TP63: variants seen among roughly 807,000 people sequenced by gnomAD.
TP63 encodes the protein tumor protein 63.
In TP63, 17 loss-of-function variants were observed where a neutral mutation model predicts 82.8. The observed-to-expected ratio is 0.21, with a 90% CI of 0.14 to 0.31. The LOEUF (loss-of-function observed/expected upper bound fraction) is 0.31. TP63 is among the 10% of genes least tolerant of loss of function. The pLI is 1.00. For synonymous variants in TP63, 330 were observed against 321.7 expected (o/e 1.03, Z -0.28); for missense variants, 648 against 895.3 (o/e 0.72, Z 3.52).
intron 1 of TP63, among the ~76,000 whole-genome samples, chr3:189,699,770 T>C (rs1255912300): frequency 6.6e-6 from 1 of 152,222 alleles, no homozygotes; most frequent in African/African-American, 2.4e-5. Flanking sequence ...TCTGTTATTA[T>C]AGATAATTTA....
chr3:189,789,559 G>A (rs1214973359), intron 3 of TP63: 1 of 777,732 alleles, frequency 1.3e-6, no homozygotes, highest in East Asian at 3.7e-5. Context: ...TTGGAGTGGA[G>A]GAGTCCAGGT....
intron 11 of TP63, among the ~76,000 whole-genome samples, chr3:189,886,946 C>T (rs1044902952): frequency 2.0e-5 from 3 of 152,188 alleles, no homozygotes; most frequent in East Asian, 1.9e-4. Context: ...TGGTGGCTCA[C>T]GACTGCAATC....
At chr3:189,822,133 C>G (rs943588712) in intron 4 of TP63, among the ~76,000 whole-genome samples, 1 of 152,014 alleles carries the variant, frequency 6.6e-6, no homozygotes, top group East Asian at 1.9e-4. Flanking sequence ...CTTTAGGTAA[C>G]GATGTTATTG....
chr3:189,632,432 C>G (rs993212221), intron 1 of TP63, among the ~76,000 whole-genome samples: 4 of 152,112 alleles, frequency 2.6e-5, no homozygotes, highest in Admixed American at 1.3e-4. Context: ...TCTGCTCTCT[C>G]TGGGCAGGAC....
chr3:189,769,377 A>G (rs1723173568), intron 3 of TP63, among the ~76,000 whole-genome samples: 1 of 152,146 alleles, frequency 6.6e-6, no homozygotes, highest in African/African-American at 2.4e-5. Flanking sequence ...CTTTGAGAAT[A>G]TTGGACAGTA....
chr3:189,778,737 A>G (rs906727080), intron 3 of TP63, among the ~76,000 whole-genome samples: 1 of 152,152 alleles, frequency 6.6e-6, no homozygotes, highest in Admixed American at 6.5e-5. Flanking sequence ...TTTGTCCACA[A>G]TCTTATAGAT....
At chr3:189,719,419 G>T (rs563611983) in intron 1 of TP63, among the ~76,000 whole-genome samples, 1 of 151,992 alleles carries the variant, frequency 6.6e-6, no homozygotes, top group Non-Finnish European at 1.5e-5. Flanking sequence ...TTTTGCATCC[G>T]ATGTATCAGA....
intron 1 of TP63, among the ~76,000 whole-genome samples, chr3:189,656,072 T>C (rs112964808): frequency 1.3e-4 from 20 of 152,162 alleles, no homozygotes; most frequent in African/African-American, 4.6e-4. Context: ...TGTATAATAA[T>C]TGAGAATAAA....
chr3:189,682,345 A>G (rs1426549902), intron 1 of TP63, among the ~76,000 whole-genome samples: 1 of 140,890 alleles, frequency 7.1e-6, no homozygotes, highest in Non-Finnish European at 1.5e-5. Flanking sequence ...TGTTGAATAA[A>G]TCAGCACCTT....
intron 10 of TP63, chr3:189,881,073 A>G (rs748517968): frequency 1.0e-6 from 1 of 985,244 alleles, no homozygotes; most frequent in Non-Finnish European, 1.2e-6. Context: ...AAGCCCTCTC[A>G]CAAAATCTGT....
At chr3:189,824,532 C>T (rs1259778653) in intron 4 of TP63, among the ~76,000 whole-genome samples, 1 of 152,152 alleles carries the variant, frequency 6.6e-6, no homozygotes, top group Non-Finnish European at 1.5e-5. Context: ...CGTGCCTAGC[C>T]TGGACTTTTC....
intron 1 of TP63, among the ~76,000 whole-genome samples, chr3:189,725,767 T>G (rs1719730820): frequency 6.6e-6 from 1 of 152,138 alleles, no homozygotes; most frequent in South Asian, 2.1e-4. Context: ...TGTAAAATTA[T>G]TTTGCAGGCC....
intron 1 of TP63, among the ~76,000 whole-genome samples, chr3:189,676,109 A>AAAGC (rs2108682080): frequency 6.6e-6 from 1 of 152,270 alleles, no homozygotes; most frequent in East Asian, 1.9e-4. Context: ...CTGAGTACCA[A>AAAGC]AAGCAAGCTA....
rs565496506 is a variant in TP63 at position 189,882,564 on chromosome 3, T to G, written c.1350-3830T>G. On this transcript the variant is annotated intron_variant, in intron 10 of 13. Coordinates refer to ENST00000264731, the MANE Select transcript of TP63 (RefSeq NM_003722.5). The stretch of plus-strand genomic sequence containing the variant: ...CAAATTCTTTACTGCAGAAATGGTT[T>G]GTTGAAATAGATTTGGCCTAAGCTA... Among the ~76,000 whole-genome samples the G allele has an allele frequency of 2.6e-5, 4 of 152,196 alleles. No homozygotes were observed. The South Asian group carries it at 6.2e-4, about 24-fold the overall frequency.
At chr3:189,804,706 G>A (rs1478897094) in intron 3 of TP63, among the ~76,000 whole-genome samples, 3 of 152,218 alleles carry the variant, frequency 2.0e-5, no homozygotes, top group South Asian at 4.1e-4. Flanking sequence ...AAGAAAATAT[G>A]TAAATGGATT....
intron 1 of TP63, among the ~76,000 whole-genome samples, chr3:189,731,025 A>G (rs114369748): frequency 4.6e-5 from 7 of 151,732 alleles, no homozygotes; most frequent in South Asian, 2.1e-4. Context: ...CTGATGCACA[A>G]TTTTTTTTCT....
intron 10 of TP63, among the ~76,000 whole-genome samples, chr3:189,881,738 T>C (rs1255785820): frequency 1.3e-5 from 2 of 152,230 alleles, no homozygotes; most frequent in Non-Finnish European, 2.9e-5. Flanking sequence ...AAAAAAATAC[T>C]TTAGCTCTAT....
intron 4 of TP63, among the ~76,000 whole-genome samples, chr3:189,842,458 G>C (rs1287506898): frequency 6.6e-6 from 1 of 152,168 alleles, no homozygotes; most frequent in Non-Finnish European, 1.5e-5. Flanking sequence ...AGTTAAACTA[G>C]GTATGTCCAG....
At chr3:189,765,602 T>G (rs1466940589) in intron 3 of TP63, among the ~76,000 whole-genome samples, 1 of 151,340 alleles carries the variant, frequency 6.6e-6, no homozygotes, top group Non-Finnish European at 1.5e-5. Context: ...CCCAGCTAAT[T>G]TTTTGTATTT....
Sources: allele counts gnomAD v4.1 joint callset (sites outside exome capture counted in the v4.1 genomes callset), GRCh38; gene constraint gnomAD v4.1.1; transcripts MANE v1.5; gene names NCBI Gene and HGNC (gene_info 2026-07-23, HGNC 2026-07-21).